RPSA2: variants seen among roughly 807,000 people sequenced by gnomAD.
RPSA2 encodes the protein small ribosomal subunit protein uS2B.
the RPSA2 span, among the ~76,000 whole-genome samples, chr19:23,793,833 G>C: frequency 6.6e-6 from 1 of 152,088 alleles, no homozygotes; most frequent in Admixed American, 6.6e-5. Flanking sequence ...CAAAGTGCTG[G>C]GGTTACAGGT....
At chr19:23,869,984 T>G in the RPSA2 span, among the ~76,000 whole-genome samples, 1 of 152,210 alleles carries the variant, frequency 6.6e-6, no homozygotes, top group Non-Finnish European at 1.5e-5. Context: ...ATCACTGCAT[T>G]AATCATAGCA....
chr19:23,824,253 C>T, the RPSA2 span, among the ~76,000 whole-genome samples: 2 of 152,206 alleles, frequency 1.3e-5, no homozygotes, highest in Admixed American at 6.5e-5. Flanking sequence ...GCTGACCTTG[C>T]AGCTGCATTG....
the RPSA2 span, among the ~76,000 whole-genome samples, chr19:23,774,959 A>G: frequency 0.98 from 148,701 of 152,172 alleles, 72,755 homozygotes; most frequent in Middle Eastern, 1. Context: ...TGTGACATAT[A>G]CCTTTGTTCA....
the RPSA2 span, among the ~76,000 whole-genome samples, chr19:23,866,511 G>C: frequency 7.8e-6 from 1 of 128,560 alleles, no homozygotes; most frequent in Non-Finnish European, 1.8e-5. Context: ...TTACAATGTG[G>C]TGCCCCCCCC....
At chr19:23,783,428 A>G in the RPSA2 span, among the ~76,000 whole-genome samples, 1 of 151,952 alleles carries the variant, frequency 6.6e-6, no homozygotes, top group Non-Finnish European at 1.5e-5. Context: ...TCTGGGTCCA[A>G]CAACATGGTG....
the RPSA2 span, among the ~76,000 whole-genome samples, chr19:23,866,495 A>T: frequency 6.6e-6 from 1 of 151,718 alleles, no homozygotes; most frequent in Non-Finnish European, 1.5e-5. Context: ...CAGGACAAAA[A>T]GGATCTTACA....
chr19:23,831,859 A>G, the RPSA2 span: 1 of 283,960 alleles, frequency 3.5e-6, no homozygotes. Context: ...CAAACAAAAA[A>G]TAAGATATAC....
At chr19:23,830,119 T>A in the RPSA2 span, among the ~76,000 whole-genome samples, 40 of 152,226 alleles carry the variant, frequency 2.6e-4, no homozygotes, top group South Asian at 6.8e-3. Context: ...GTATTTTTTT[T>A]AACAACTTTT....
the RPSA2 span, among the ~76,000 whole-genome samples, chr19:23,789,060 A>G: frequency 8.1e-6 from 1 of 123,850 alleles, no homozygotes; most frequent in African/African-American, 3.1e-5. Context: ...GAGTGCAGTG[A>G]TGTGATCTTG....
the RPSA2 span, among the ~76,000 whole-genome samples, chr19:23,801,984 G>A: frequency 6.6e-6 from 1 of 152,164 alleles, no homozygotes; most frequent in African/African-American, 2.4e-5. Context: ...AATGCAAAGT[G>A]ATGTTGATTT....
At chr19:23,829,135 G>A in the RPSA2 span, among the ~76,000 whole-genome samples, 1 of 152,082 alleles carries the variant, frequency 6.6e-6, no homozygotes, top group Non-Finnish European at 1.5e-5. Flanking sequence ...TTTGATTAAT[G>A]TTTGCATGGA....
At chr19:23,776,391 C>T in the RPSA2 span, among the ~76,000 whole-genome samples, 8 of 152,156 alleles carry the variant, frequency 5.3e-5, no homozygotes, top group South Asian at 4.1e-4. Context: ...GTTTTCTCTC[C>T]TGCTTTGGTG....
the RPSA2 span, among the ~76,000 whole-genome samples, chr19:23,785,321 G>A: frequency 6.6e-6 from 1 of 152,112 alleles, no homozygotes; most frequent in Non-Finnish European, 1.5e-5. Flanking sequence ...TATTTTGCAA[G>A]TTAGGACATA....
At chr19:23,805,448 C>T in the RPSA2 span, among the ~76,000 whole-genome samples, 1 of 152,168 alleles carries the variant, frequency 6.6e-6, no homozygotes, top group Non-Finnish European at 1.5e-5. Context: ...CAGGCATGAG[C>T]CACCTTGCCC....
the RPSA2 span, among the ~76,000 whole-genome samples, chr19:23,836,786 T>A: frequency 0.12 from 18,216 of 152,190 alleles, 1,141 homozygotes; most frequent in East Asian, 0.22. Flanking sequence ...GCATTTTTTT[T>A]AATATGTTTG....
At chr19:23,844,465 C>T in the RPSA2 span, among the ~76,000 whole-genome samples, 4 of 152,082 alleles carry the variant, frequency 2.6e-5, no homozygotes, top group Non-Finnish European at 5.9e-5. Context: ...TAAGCATACT[C>T]ATGTTGGCTA....
At chr19:23,844,066 T>C in the RPSA2 span, among the ~76,000 whole-genome samples, 1 of 152,170 alleles carries the variant, frequency 6.6e-6, no homozygotes, top group African/African-American at 2.4e-5. Context: ...GCCTCTATTT[T>C]TTCTTTTTGA....
At chr19:23,833,936 T>G in the RPSA2 span, among the ~76,000 whole-genome samples, 1 of 152,046 alleles carries the variant, frequency 6.6e-6, no homozygotes, top group Non-Finnish European at 1.5e-5. Flanking sequence ...AAGAAAACCC[T>G]GCAAATATAA....
At chr19:23,827,746 G>T in the RPSA2 span, 1 of 1,580,008 alleles carries the variant, frequency 6.3e-7, no homozygotes, top group Non-Finnish European at 8.6e-7. Flanking sequence ...AACACCCATG[G>T]GAGGTCATGC....
Sources: gnomAD v4.1 joint callset for allele counts (sites outside exome capture counted in the v4.1 genomes callset) on GRCh38, gnomAD v4.1.1 for gene constraint, MANE v1.5 for transcripts, NCBI Gene and HGNC (gene_info 2026-07-23, HGNC 2026-07-21) for gene names.